The following GRM7 variants were observed in gnomAD, a reference collection of about 807,000 sequenced individuals.
The protein encoded by GRM7 is glutamate metabotropic receptor 7.
GRM7 carries 35 observed loss-of-function variants against 84.5 expected under a neutral mutation model. The observed-to-expected ratio is 0.41, with a 90% CI of 0.32 to 0.55. GRM7 has a LOEUF of 0.55. GRM7 is among the 20% of genes least tolerant of loss of function. GRM7 has a pLI of 0.19. For missense variants in GRM7, 1,003 were observed against 1,194.6 expected, an observed-to-expected ratio of 0.84 and a Z score of 2.36; for synonymous variants, 487 against 455.1, an observed-to-expected ratio of 1.07 and a Z score of -0.89.
intron 1 of GRM7, among the ~76,000 whole-genome samples, chr3:7,025,233 G>A (rs1695937517): frequency 6.6e-6 from 1 of 152,160 alleles, no homozygotes; most frequent in Non-Finnish European, 1.5e-5. Context: ...GGTGAGCTAA[G>A]TAGCAATCTT....
chr3:7,533,686 T>C (rs1184677528), intron 7 of GRM7, among the ~76,000 whole-genome samples: 1 of 152,200 alleles, frequency 6.6e-6, no homozygotes, highest in African/African-American at 2.4e-5. Flanking sequence ...AATGTCTGTT[T>C]AGTGATTGAC....
chr3:7,306,505 C>G lies in GRM7; in HGVS notation c.886C>G (p.Leu296Val). Reference protein sequence around the residue: ...FANDEDIKQILAAAKRADQVG... With the variant: ...FANDEDIKQIVAAAKRADQVG... ...CCATATTTCTTTCCACAGGCAGATC[C>G]TTGCAGCAGCCAAAAGAGCTGACCA... The change falls in exon 4 of 10, where the codon CTT (leucine) becomes GTT (valine). Residue 296 changes from leucine (L) to valine (V), a missense_variant. Physicochemically the swap from Leu to Val is conservative, Grantham distance 32. Around this residue, in one of 2 missense-constraint regions of GRM7, gnomAD observed 910 missense variants for 1,126.0 expected, o/e 0.81. Coordinates refer to ENST00000357716, the MANE Select transcript of GRM7 (RefSeq NM_000844.4). 6.2e-7 allele frequency: 1 copy of G among 1,613,622 alleles called. No homozygotes were observed. Among genetic ancestry groups the G allele is most frequent in the Non-Finnish European group, 8.5e-7 (1 of 1,179,606 alleles).
At chr3:7,442,745 TA>T (rs1697341224) in intron 5 of GRM7, among the ~76,000 whole-genome samples, 1 of 152,152 alleles carries the variant, frequency 6.6e-6, no homozygotes, top group Non-Finnish European at 1.5e-5. Context: ...CTTAATTAGA[TA>T]CATGGGAAGC....
At chr3:7,224,933 G>A (rs553383291) in intron 2 of GRM7, among the ~76,000 whole-genome samples, 1 of 152,210 alleles carries the variant, frequency 6.6e-6, no homozygotes, top group Non-Finnish European at 1.5e-5. Flanking sequence ...ATGTACCCTT[G>A]TGTTGTGCCT....
chr3:7,414,216 T>C (rs1202608858), intron 4 of GRM7, among the ~76,000 whole-genome samples: 5 of 152,188 alleles, frequency 3.3e-5, no homozygotes, highest in Non-Finnish European at 7.3e-5. Flanking sequence ...TCTCCTATGG[T>C]TCTTGATCAT....
chr3:7,486,025 GTATTT>G lies in GRM7; in HGVS notation c.1515+24304_1515+24308del, dbSNP rs1338533917. Among the ~76,000 whole-genome samples, 7 of 152,186 alleles carry G rather than the reference GTATTT, an allele frequency of 4.6e-5. No homozygotes were observed. Among genetic ancestry groups the G allele is most frequent in the African/African-American group, 1.4e-4 (6 of 41,512 alleles). On this transcript the variant is annotated intron_variant, in intron 7 of 9. Coordinates refer to ENST00000357716, the MANE Select transcript of GRM7 (RefSeq NM_000844.4). This position sits in a 1 kb window ranked among gnomAD's most constrained non-coding sequence, Gnocchi z 5.5. ...ATATATAAACAAATACAGTAAATGT[GTATTT>G]ATTTACATACCACATCTTATAGAAG...
Position 7,162,729 on chromosome 3 carries a change from A to ATTTTTTTTTTTTTTTTTTTTTTTT in GRM7, c.736+16086_736+16109dup, listed in dbSNP as rs71063284. Among the ~76,000 whole-genome samples, 9 of 54,718 alleles carry ATTTTTTTTTTTTTTTTTTTTTTTT rather than the reference A, an allele frequency of 1.6e-4. 2 individuals are homozygous for ATTTTTTTTTTTTTTTTTTTTTTTT. The highest frequency in any genetic ancestry group is 2.8e-4 in the Admixed American group (1 of 3,580). 35.9% of individuals were successfully genotyped at this position (54,718 alleles called of 152,430 possible). A position where few individuals can be genotyped will look rare whatever the true frequency, so the allele number is the denominator to read the frequency against. On this transcript the variant is annotated intron_variant, in intron 2 of 9. Transcript: ENST00000357716. The stretch of plus-strand genomic sequence containing the variant: ...CAATCTCCCATTACTCCCATTTTTC[A>ATTTTTTTTTTTTTTTTTTTTTTTT]TTTTTTTTTTTTTTTTTTTTTTTTT...
At chr3:7,065,213 C>T (rs1697611325) in intron 1 of GRM7, among the ~76,000 whole-genome samples, 1 of 151,626 alleles carries the variant, frequency 6.6e-6, no homozygotes, top group African/African-American at 2.4e-5. Context: ...AGCTATTTAT[C>T]TTTGTTTTTA....
At chr3:6,898,187 T>G (rs560642741) in intron 1 of GRM7, among the ~76,000 whole-genome samples, 1 of 152,260 alleles carries the variant, frequency 6.6e-6, no homozygotes, top group South Asian at 2.1e-4. Context: ...GTAAAATCAC[T>G]TGTCGTTCTC....
In GRM7 at chr3:7,217,187, A is replaced by G. The variant is rs562473199; in HGVS notation, c.736+70519A>G. Among the ~76,000 whole-genome samples the G allele has an allele frequency of 1.2e-4, 19 of 152,316 alleles. No homozygotes were observed. The South Asian group carries it at 3.5e-3, about 28-fold the overall frequency. The stretch of plus-strand genomic sequence containing the variant: ...TTAGGATGCCCAGATTCAGAGAGGA[A>G]GTGATAAGACCTTACGGAATTACAA... On this transcript the variant is annotated intron_variant, in intron 2 of 9. Coordinates refer to ENST00000357716, the MANE Select transcript of GRM7 (RefSeq NM_000844.4).
At chr3:7,372,743 C>T (rs931295246) in intron 4 of GRM7, among the ~76,000 whole-genome samples, 1 of 151,994 alleles carries the variant, frequency 6.6e-6, no homozygotes, top group Admixed American at 6.6e-5. Flanking sequence ...TATTTTAAGC[C>T]ATGTTATATC....
chr3:6,895,732 A>G (rs1039937704), intron 1 of GRM7, among the ~76,000 whole-genome samples: 5 of 152,234 alleles, frequency 3.3e-5, no homozygotes, highest in Admixed American at 1.3e-4. Context: ...GGAAAATGGC[A>G]TAAGAATATT....
intron 4 of GRM7, among the ~76,000 whole-genome samples, chr3:7,385,749 GCATTGCAAGACATGAATAAAGA>G (rs1397940016): frequency 9.2e-5 from 14 of 152,334 alleles, no homozygotes; most frequent in Non-Finnish European, 1.9e-4. Context: ...GTACACAAAT[GCATTGCAAGACATGAATAAAGA>G]CATTCTTAGC....
chr3:7,224,876 A>G (rs904478735), intron 2 of GRM7, among the ~76,000 whole-genome samples: 3 of 152,200 alleles, frequency 2.0e-5, no homozygotes, highest in Admixed American at 1.3e-4. Context: ...CCACTACCAT[A>G]TGAAGCATTT....
At chr3:7,196,750 G>C (rs572076860) in intron 2 of GRM7, among the ~76,000 whole-genome samples, 1 of 151,934 alleles carries the variant, frequency 6.6e-6, no homozygotes, top group Non-Finnish European at 1.5e-5. Context: ...AAAATTATAT[G>C]GCTTGGCATA....
At chr3:7,560,792 G>T (rs535711177) in intron 7 of GRM7, among the ~76,000 whole-genome samples, 37 of 152,160 alleles carry the variant, frequency 2.4e-4, no homozygotes, top group Non-Finnish European at 4.7e-4. Context: ...TGGAATGGTT[G>T]CCTTCATGTA....
At chr3:6,886,812 A>C (rs1695713937) in intron 1 of GRM7, among the ~76,000 whole-genome samples, 1 of 151,770 alleles carries the variant, frequency 6.6e-6, no homozygotes, top group South Asian at 2.1e-4. Context: ...CAGTTTAATA[A>C]AATGCTTAGG....
chr3:7,177,437 G>T (rs1242916836), intron 2 of GRM7, among the ~76,000 whole-genome samples: 1 of 151,504 alleles, frequency 6.6e-6, no homozygotes, highest in East Asian at 1.9e-4. Context: ...CGAAAGAGCA[G>T]TATTTGATTC....
chr3:7,656,648 T>C (rs1046243695), intron 8 of GRM7, among the ~76,000 whole-genome samples: 1 of 151,766 alleles, frequency 6.6e-6, no homozygotes. Context: ...GGTTAAAGTC[T>C]CTCTGGGAAC....
Sources: gnomAD v4.1 joint callset for allele counts (sites outside exome capture counted in the v4.1 genomes callset) on GRCh38, gnomAD v4.1.1 for gene constraint, gnomAD v4.1.1 regional missense constraint, Gnocchi (gnomAD v3.1) non-coding constraint, MANE v1.5 for transcripts, NCBI Gene and HGNC (gene_info 2026-07-23, HGNC 2026-07-21) for gene names.